The following TUNAR variants were observed in gnomAD, a reference collection of about 807,000 sequenced individuals.
The protein encoded by TUNAR is protein TUNAR.
Position 95,896,370 on chromosome 14 carries a change from G to A in TUNAR, c.12+19193G>A, listed in dbSNP as rs149599834. Among the ~76,000 whole-genome samples the A allele has an allele frequency of 1.4e-3, 214 of 152,306 alleles. 2 individuals carry two copies. Among genetic ancestry groups the A allele is most frequent in the African/African-American group, 4.4e-3 (181 of 41,564 alleles). On this transcript the variant is annotated intron_variant, in intron 2 of 2. Transcript: ENST00000678517. Reference sequence around the variant, plus strand: ...GATTGGGCTGTTCCAGCTAAGTAGCGGCAGTGCACAGGCATGACCCTGTAC... The same window carrying A: ...GATTGGGCTGTTCCAGCTAAGTAGCAGCAGTGCACAGGCATGACCCTGTAC...
chr14:95,915,648 C>G (rs575390671), intron 2 of TUNAR, among the ~76,000 whole-genome samples: 1 of 152,264 alleles, frequency 6.6e-6, no homozygotes, highest in Non-Finnish European at 1.5e-5. Context: ...GGATTCCACA[C>G]TGAACCCTGA....
chr14:95,899,163 C>T (rs2139661532), intron 2 of TUNAR, among the ~76,000 whole-genome samples: 1 of 152,324 alleles, frequency 6.6e-6, no homozygotes, highest in South Asian at 2.1e-4. Flanking sequence ...TTCCCATTTC[C>T]CACCACTGGT....
At position 95,896,780 on chromosome 14, in the gene TUNAR, G is replaced by C. The variant is rs116678664; in HGVS notation, c.12+19603G>C. 3.3e-3 allele frequency among the ~76,000 whole-genome samples: 496 copies of C among 152,316 alleles called. 4 individuals carry two copies. The highest frequency in any genetic ancestry group is 0.011 in the African/African-American group (467 of 41,576). ...CACTTTGTTATGTTGATATCATGCG[G>C]CAGCAGAGTACTCTGCAGTTTGCAG... On this transcript the variant is annotated intron_variant, in intron 2 of 2. Coordinates refer to ENST00000678517, the Ensembl canonical transcript of TUNAR.
chr14:95,923,069 C>A lies in TUNAR; in HGVS notation c.*103C>A, dbSNP rs569482458. On this transcript the variant is annotated 3_prime_UTR_variant, in exon 3 of 3. Coordinates refer to ENST00000678517, the Ensembl canonical transcript of TUNAR. Reference sequence around the variant, plus strand: ...CCTGCGAGAACAAGCAGGCTTGACCCGCACATACCACCCAATCAAATGCAC... The same window carrying A: ...CCTGCGAGAACAAGCAGGCTTGACCAGCACATACCACCCAATCAAATGCAC... 18 of 398,042 alleles carry A rather than the reference C, an allele frequency of 4.5e-5. No homozygotes were observed. The East Asian group carries it at 5.7e-4, about 13-fold the overall frequency. 24.7% of individuals were successfully genotyped at this position (398,042 alleles called of 1,614,324 possible).
At chr14:95,903,627 G>A (rs150982266) in intron 2 of TUNAR, among the ~76,000 whole-genome samples, 162 of 152,352 alleles carry the variant, frequency 1.1e-3, no homozygotes, top group African/African-American at 3.8e-3. Context: ...CTTTCAGCCA[G>A]TGTTCCCGTT....
chr14:95,915,360 C>T (rs913367714), intron 2 of TUNAR, among the ~76,000 whole-genome samples: 6 of 152,162 alleles, frequency 3.9e-5, no homozygotes, highest in South Asian at 2.1e-4. Flanking sequence ...GGCATCCAGG[C>T]GGCAGCAGCT....
At chr14:95,893,721 A>G (rs1301975193) in intron 2 of TUNAR, among the ~76,000 whole-genome samples, 2 of 152,356 alleles carry the variant, frequency 1.3e-5, no homozygotes, top group Admixed American at 1.3e-4. Flanking sequence ...TAACCTTCCC[A>G]GGAGCATTTG....
intron 2 of TUNAR, among the ~76,000 whole-genome samples, chr14:95,914,195 C>T (rs1889565760): frequency 6.6e-6 from 1 of 152,284 alleles, no homozygotes; most frequent in African/African-American, 2.4e-5. Flanking sequence ...GGTGCACATC[C>T]AGTGTGTGGA....
At chr14:95,891,281 C>G (rs1209003056) in intron 2 of TUNAR, among the ~76,000 whole-genome samples, 1 of 152,200 alleles carries the variant, frequency 6.6e-6, no homozygotes, top group Non-Finnish European at 1.5e-5. Context: ...CTTTCACTCA[C>G]CCACCTCCGA....
chr14:95,908,947 C>A (rs1162781977), intron 2 of TUNAR, among the ~76,000 whole-genome samples: 1 of 152,044 alleles, frequency 6.6e-6, no homozygotes. Context: ...GGCAGGTAGG[C>A]GGGGGGTGAC....
Position 95,892,463 on chromosome 14 carries a change from C to T in TUNAR, c.12+15286C>T, listed in dbSNP as rs946928739. ...GGCCACCTCCGGCTGGATGTGTCGCCTTCCTCAGGGCTCCTGGCAGCACCT... is the reference window on the plus strand; with the variant it reads ...GGCCACCTCCGGCTGGATGTGTCGCTTTCCTCAGGGCTCCTGGCAGCACCT... On this transcript the variant is annotated intron_variant, in intron 2 of 2. Transcript: ENST00000678517. Among the ~76,000 whole-genome samples, 4 of 152,258 alleles carry T rather than the reference C, an allele frequency of 2.6e-5. No homozygotes were observed. The East Asian group carries it at 7.7e-4, about 29-fold the overall frequency.
intron 2 of TUNAR, among the ~76,000 whole-genome samples, chr14:95,897,979 C>G (rs1188233271): frequency 6.6e-6 from 1 of 152,158 alleles, no homozygotes; most frequent in Non-Finnish European, 1.5e-5. Flanking sequence ...GCTAACCCCT[C>G]TCAGGATGCT....
At chr14:95,877,956 AGTGG>A (rs1185090521) in intron 2 of TUNAR, among the ~76,000 whole-genome samples, 2 of 152,244 alleles carry the variant, frequency 1.3e-5, no homozygotes, top group East Asian at 3.8e-4. Flanking sequence ...TGGAAAGGAC[AGTGG>A]TTCCTCCTGT....
intron 2 of TUNAR, among the ~76,000 whole-genome samples, chr14:95,884,278 G>A (rs752458597): frequency 6.6e-6 from 1 of 151,980 alleles, no homozygotes; most frequent in Non-Finnish European, 1.5e-5. Context: ...GCACGATCTG[G>A]CCCTCCATCT....
chr14:95,899,849 T>C (rs1889322489), intron 2 of TUNAR, among the ~76,000 whole-genome samples: 1 of 152,182 alleles, frequency 6.6e-6, no homozygotes. Context: ...CATATGAATT[T>C]TGGGGGGACA....
chr14:95,919,972 A>G (rs1313655655), intron 2 of TUNAR, among the ~76,000 whole-genome samples: 1 of 152,214 alleles, frequency 6.6e-6, no homozygotes, highest in Non-Finnish European at 1.5e-5. Context: ...TGTTCATAGC[A>G]GCATTATTCA....
At chr14:95,883,400 C>T (rs569079856) in intron 2 of TUNAR, among the ~76,000 whole-genome samples, 7 of 152,340 alleles carry the variant, frequency 4.6e-5, no homozygotes, top group East Asian at 1.9e-4. Flanking sequence ...GATCCACCCC[C>T]CCAACACACA....
At chr14:95,877,052 C>T (rs915255398) in exon 2 of TUNAR, 5 of 152,244 alleles carry the variant, frequency 3.3e-5, no homozygotes, top group Non-Finnish European at 1.5e-5. Context: ...AGGCAGGAGC[C>T]GGCGGCAGCC....
exon 3 of TUNAR, chr14:95,924,512 T>A (rs1029131524): frequency 1.3e-5 from 2 of 152,322 alleles, no homozygotes; most frequent in African/African-American, 4.8e-5. Flanking sequence ...GAAAAAGACA[T>A]CCCCAAGACT....
Sources: allele counts gnomAD v4.1 joint callset (sites outside exome capture counted in the v4.1 genomes callset), GRCh38; gene constraint gnomAD v4.1.1; transcripts MANE v1.5; gene names NCBI Gene and HGNC (gene_info 2026-07-23, HGNC 2026-07-21).